Variants in BRINP3 observed in about 807,000 individuals in gnomAD.
BRINP3 encodes the protein BMP/retinoic acid-inducible neural-specific protein 3.
Under a neutral mutation model 71.0 loss-of-function variants are expected in BRINP3, and 19 were observed. The ratio of observed to expected loss-of-function variants is 0.27; its 90% CI spans 0.19 to 0.39. The LOEUF is 0.39. Ranked by LOEUF, BRINP3 falls within the 10% of genes least tolerant of loss-of-function variation. BRINP3 has a pLI of 1.00. For synonymous variants in BRINP3, 380 were observed against 337.7 expected (o/e 1.13, Z -1.37); for missense variants, 959 against 940.8 (o/e 1.02, Z -0.25).
At chr1:190,344,342 T>A (rs894284064) in intron 2 of BRINP3, among the ~76,000 whole-genome samples, 4 of 151,828 alleles carry the variant, frequency 2.6e-5, no homozygotes, top group African/African-American at 9.7e-5. Context: ...TTCTCTAAGG[T>A]CAAATAGTTA....
At chr1:190,317,171 C>CAAAA (rs397862994) in intron 2 of BRINP3, among the ~76,000 whole-genome samples, 1 of 77,196 alleles carries the variant, frequency 1.3e-5, no homozygotes, top group Non-Finnish European at 2.8e-5. Context: ...GAGTCCATCT[C>CAAAA]AAAAAAAAAA....
At chr1:190,436,450 A>G (rs536296647) in intron 2 of BRINP3, among the ~76,000 whole-genome samples, 2 of 151,998 alleles carry the variant, frequency 1.3e-5, no homozygotes, top group African/African-American at 4.8e-5. Flanking sequence ...TTCTTAGATA[A>G]AAATCACCCA....
intron 2 of BRINP3, among the ~76,000 whole-genome samples, chr1:190,392,113 T>A (rs1056641546): frequency 6.6e-6 from 1 of 151,430 alleles, no homozygotes; most frequent in South Asian, 2.1e-4. Flanking sequence ...CTTCAAAAAA[T>A]ATCTGTGTGT....
At chr1:190,270,725 T>C (rs11800785) in intron 3 of BRINP3, among the ~76,000 whole-genome samples, 2 of 151,684 alleles carry the variant, frequency 1.3e-5, no homozygotes, top group African/African-American at 2.4e-5. Flanking sequence ...AAATATATTG[T>C]TTTATAATAA....
chr1:190,298,400 T>C (rs1664414209), intron 2 of BRINP3, among the ~76,000 whole-genome samples: 1 of 152,106 alleles, frequency 6.6e-6, no homozygotes, highest in Admixed American at 6.5e-5. Flanking sequence ...TTTTTAAAGA[T>C]CTTTGAGGAG....
chr1:190,127,847 T>A, intron 7 of BRINP3, among the ~76,000 whole-genome samples: 1 of 151,790 alleles, frequency 6.6e-6, no homozygotes, highest in East Asian at 1.9e-4. Context: ...AATGATGAAC[T>A]TTTTTCATGT....
At chr1:190,112,436 C>A (rs1328328329) in intron 7 of BRINP3, among the ~76,000 whole-genome samples, 2 of 151,998 alleles carry the variant, frequency 1.3e-5, no homozygotes, top group Non-Finnish European at 2.9e-5. Context: ...TATTTCTATG[C>A]ATTAGTATAT....
chr1:190,173,425 A>C (rs1433288607), intron 6 of BRINP3, among the ~76,000 whole-genome samples: 1 of 152,210 alleles, frequency 6.6e-6, no homozygotes, highest in Non-Finnish European at 1.5e-5. Context: ...AAGCTGGAGC[A>C]GCCACACTGT....
intron 7 of BRINP3, among the ~76,000 whole-genome samples, chr1:190,100,674 A>C (rs907283218): frequency 1.3e-5 from 2 of 152,200 alleles, no homozygotes; most frequent in Non-Finnish European, 2.9e-5. Flanking sequence ...AAACACGCAA[A>C]AGCCTTTCTT....
intron 7 of BRINP3, among the ~76,000 whole-genome samples, chr1:190,105,722 A>G (rs1319942189): frequency 6.6e-6 from 1 of 152,080 alleles, no homozygotes; most frequent in Non-Finnish European, 1.5e-5. Flanking sequence ...TAAGTGGTGT[A>G]CACAGAAAAA....
intron 2 of BRINP3, among the ~76,000 whole-genome samples, chr1:190,376,158 CT>C (rs536409042): frequency 1.4e-4 from 21 of 148,028 alleles, no homozygotes; most frequent in Admixed American, 4.1e-4. Flanking sequence ...ATGAACATAG[CT>C]TTTTTTTTTA....
intron 6 of BRINP3, among the ~76,000 whole-genome samples, chr1:190,215,316 T>A (rs1403502334): frequency 6.6e-6 from 1 of 151,806 alleles, no homozygotes; most frequent in Non-Finnish European, 1.5e-5. Flanking sequence ...AAATGTAGGT[T>A]TTACTCCCCA....
intron 2 of BRINP3, among the ~76,000 whole-genome samples, chr1:190,436,905 A>G (rs567607758): frequency 2.0e-5 from 3 of 151,848 alleles, no homozygotes; most frequent in Non-Finnish European, 4.4e-5. Flanking sequence ...ATAATAAACA[A>G]GATACTATAT....
At chr1:190,201,286 A>G (rs1654982828) in intron 6 of BRINP3, among the ~76,000 whole-genome samples, 1 of 152,120 alleles carries the variant, frequency 6.6e-6, no homozygotes, top group African/African-American at 2.4e-5. Flanking sequence ...AGATTTTGAA[A>G]CTTTGAGCTC....
intron 5 of BRINP3, among the ~76,000 whole-genome samples, chr1:190,228,266 G>A (rs1190593641): frequency 2.0e-5 from 3 of 151,438 alleles, no homozygotes; most frequent in African/African-American, 7.3e-5. Flanking sequence ...ATAATTCAGA[G>A]TCTTTGCTCA....
intron 2 of BRINP3, among the ~76,000 whole-genome samples, chr1:190,358,141 A>T (rs1254939569): frequency 1.3e-5 from 2 of 152,208 alleles, no homozygotes; most frequent in Admixed American, 6.5e-5. Context: ...AATGGCAACA[A>T]AAGACAAAAT....
intron 2 of BRINP3, among the ~76,000 whole-genome samples, chr1:190,419,214 C>T (rs775035102): frequency 2.6e-5 from 4 of 151,916 alleles, no homozygotes; most frequent in Non-Finnish European, 5.9e-5. Flanking sequence ...AAAAGCATTA[C>T]ATTTAGAAAA....
intron 7 of BRINP3, among the ~76,000 whole-genome samples, chr1:190,119,455 T>C (rs1363873038): frequency 6.6e-6 from 1 of 151,998 alleles, no homozygotes; most frequent in Non-Finnish European, 1.5e-5. Context: ...TTTCTATTTT[T>C]AGTAGAGATG....
chr1:190,224,740 G>A (rs1397743838), intron 6 of BRINP3, among the ~76,000 whole-genome samples: 3 of 151,490 alleles, frequency 2.0e-5, no homozygotes, highest in African/African-American at 7.3e-5. Flanking sequence ...ATCTGTCCAG[G>A]GATTAATAAC....
Sources: gnomAD v4.1 joint callset for allele counts (sites outside exome capture counted in the v4.1 genomes callset) on GRCh38, gnomAD v4.1.1 for gene constraint, MANE v1.5 for transcripts, NCBI Gene and HGNC (gene_info 2026-07-23, HGNC 2026-07-21) for gene names.